The following RAB38 variants were observed in gnomAD, a reference collection of about 807,000 sequenced individuals.
RAB38 encodes the protein ras-related protein Rab-38.
RAB38 carries 15 observed loss-of-function variants against 18.4 expected under a neutral mutation model. That is an observed-to-expected ratio of 0.82 (90% CI 0.55 to 1.26). RAB38 has a LOEUF of 1.26. Among genes scored for constraint, RAB38 ranks in the 50% most tolerant of loss-of-function variants. The pLI is 0.00. For missense variants in RAB38, 294 were observed against 267.4 expected (o/e 1.10, Z -0.69); for synonymous variants, 101 against 104.4 (o/e 0.97, Z 0.20).
intron 1 of RAB38, among the ~76,000 whole-genome samples, chr11:88,168,665 TG>T (rs1196628217): frequency 4.6e-5 from 2 of 43,540 alleles, no homozygotes; most frequent in Admixed American, 4.5e-4. Context: ...GTTTTAAAAC[TG>T]CATTTTTATA....
At chr11:87,828,696 C>G in the RAB38 span, among the ~76,000 whole-genome samples, 3 of 152,078 alleles carry the variant, frequency 2.0e-5, no homozygotes, top group Non-Finnish European at 4.4e-5. Context: ...TCTAATCTAC[C>G]TTTTTTGGGT....
chr11:87,915,082 A>G, the RAB38 span, among the ~76,000 whole-genome samples: 1,728 of 152,280 alleles, frequency 0.011, 20 homozygotes, highest in Admixed American at 0.019. Context: ...CCATAGGTGT[A>G]GGCCACTACC....
the RAB38 span, among the ~76,000 whole-genome samples, chr11:87,922,455 T>A: frequency 2.2e-4 from 34 of 152,024 alleles, no homozygotes; most frequent in African/African-American, 8.2e-4. Context: ...AAATACAGAA[T>A]TTTCCTACTT....
chr11:87,837,972 A>C, the RAB38 span, among the ~76,000 whole-genome samples: 4 of 152,200 alleles, frequency 2.6e-5, no homozygotes, highest in African/African-American at 9.6e-5. Flanking sequence ...GCTCTTAAGC[A>C]ATCAGAGTTT....
chr11:87,808,952 A>C, the RAB38 span, among the ~76,000 whole-genome samples: 1 of 152,186 alleles, frequency 6.6e-6, no homozygotes, highest in African/African-American at 2.4e-5. Flanking sequence ...TAACCATGAA[A>C]ATATTAGAAA....
At chr11:88,004,909 T>C in the RAB38 span, among the ~76,000 whole-genome samples, 1 of 151,320 alleles carries the variant, frequency 6.6e-6, no homozygotes, top group Non-Finnish European at 1.5e-5. Context: ...ATACTAAACC[T>C]ACAGGGTTAG....
At chr11:87,912,854 AC>A in the RAB38 span, among the ~76,000 whole-genome samples, 1 of 132,584 alleles carries the variant, frequency 7.5e-6, no homozygotes, top group African/African-American at 2.9e-5. Context: ...TTTATCTGCT[AC>A]TTTAGGCACA....
chr11:88,021,591 TA>T, the RAB38 span, among the ~76,000 whole-genome samples: 1 of 149,068 alleles, frequency 6.7e-6, no homozygotes, highest in Non-Finnish European at 1.5e-5. Context: ...TTTATTTATT[TA>T]TTTATTTATT....
the RAB38 span, among the ~76,000 whole-genome samples, chr11:87,890,932 T>A: frequency 6.6e-6 from 1 of 151,834 alleles, no homozygotes; most frequent in Non-Finnish European, 1.5e-5. Context: ...CGTAAGAATG[T>A]CAAGATAGCA....
the RAB38 span, among the ~76,000 whole-genome samples, chr11:87,854,156 C>T: frequency 6.6e-6 from 1 of 152,050 alleles, no homozygotes; most frequent in Non-Finnish European, 1.5e-5. Flanking sequence ...GTTTTTTTGC[C>T]ATATAAGGTG....
the RAB38 span, among the ~76,000 whole-genome samples, chr11:87,935,875 G>C: frequency 1.3e-5 from 2 of 152,028 alleles, no homozygotes; most frequent in African/African-American, 4.8e-5. Context: ...TATTCACTCA[G>C]AGTGGTTTTA....
At chr11:88,003,758 T>C in the RAB38 span, among the ~76,000 whole-genome samples, 2 of 8,676 alleles carry the variant, frequency 2.3e-4, no homozygotes, top group African/African-American at 1.1e-3. Context: ...ATAATATATA[T>C]AATATATTGT....
At chr11:88,165,381 T>G (rs1373922790) in intron 1 of RAB38, among the ~76,000 whole-genome samples, 2 of 152,154 alleles carry the variant, frequency 1.3e-5, no homozygotes, top group African/African-American at 4.8e-5. Flanking sequence ...ATAGTAGGGT[T>G]AATAACAGTG....
chr11:88,022,611 CAAAAAAA>C, the RAB38 span, among the ~76,000 whole-genome samples: 1 of 52,092 alleles, frequency 1.9e-5, no homozygotes, highest in African/African-American at 7.6e-5. Context: ...AAAGACCCCA[CAAAAAAA>C]AAAAAAAAAA....
chr11:88,157,858 TG>T (rs1943144633), intron 1 of RAB38, among the ~76,000 whole-genome samples: 1 of 152,050 alleles, frequency 6.6e-6, no homozygotes, highest in Non-Finnish European at 1.5e-5. Flanking sequence ...TGGTGTTAAA[TG>T]GCTAATTTAA....
the RAB38 span, among the ~76,000 whole-genome samples, chr11:87,897,432 A>T: frequency 6.6e-6 from 1 of 151,590 alleles, no homozygotes; most frequent in Non-Finnish European, 1.5e-5. Context: ...CATTCTTGGG[A>T]AATACCCTAT....
At chr11:87,936,584 A>G in the RAB38 span, among the ~76,000 whole-genome samples, 2 of 152,096 alleles carry the variant, frequency 1.3e-5, no homozygotes, top group African/African-American at 4.8e-5. Flanking sequence ...TGTACCTAAA[A>G]AGCAAGTTTT....
At chr11:87,947,416 G>T in the RAB38 span, among the ~76,000 whole-genome samples, 1 of 152,084 alleles carries the variant, frequency 6.6e-6, no homozygotes, top group Admixed American at 6.6e-5. Context: ...GTCAATTTTG[G>T]CTTTGGTTGC....
chr11:88,153,172 C>A (rs1421241052), intron 1 of RAB38, among the ~76,000 whole-genome samples: 1 of 152,216 alleles, frequency 6.6e-6, no homozygotes, highest in Non-Finnish European at 1.5e-5. Flanking sequence ...GGCTCAGACA[C>A]ATGTATTTCT....
Sources: allele counts gnomAD v4.1 joint callset (sites outside exome capture counted in the v4.1 genomes callset), GRCh38; gene constraint gnomAD v4.1.1; transcripts MANE v1.5; gene names NCBI Gene and HGNC (gene_info 2026-07-23, HGNC 2026-07-21).